FAR1: variants seen among roughly 807,000 people sequenced by gnomAD.
FAR1 encodes the protein fatty acyl-CoA reductase 1, also known as male sterility domain-containing protein 2.
In FAR1, 22 loss-of-function variants were observed where a neutral mutation model predicts 61.1. The ratio of observed to expected loss-of-function variants is 0.36; its 90% confidence interval spans 0.26 to 0.51. The LOEUF (loss-of-function observed/expected upper bound fraction) is 0.51. Ranked by LOEUF, FAR1 falls within the 20% of genes least tolerant of loss-of-function variation. The pLI is 0.95. For missense variants in FAR1, 359 were observed against 626.9 expected (o/e 0.57, Z 4.56); for synonymous variants, 206 against 209.7 (o/e 0.98, Z 0.15).
intron 1 of FAR1, among the ~76,000 whole-genome samples, chr11:13,691,628 GT>G (rs1233070830): frequency 6.6e-6 from 1 of 152,214 alleles, no homozygotes; most frequent in Non-Finnish European, 1.5e-5. Context: ...CATATAGTAT[GT>G]GACCTTTTGT....
At chr11:13,719,214 G>A (rs1848584070) in intron 9 of FAR1, among the ~76,000 whole-genome samples, 1 of 152,152 alleles carries the variant, frequency 6.6e-6, no homozygotes, top group Admixed American at 6.5e-5. Context: ...GAAACGTTAA[G>A]GAAACAGTCT....
chr11:13,690,298 TTAA>T (rs1195748171), intron 1 of FAR1, among the ~76,000 whole-genome samples: 2 of 152,242 alleles, frequency 1.3e-5, no homozygotes, highest in South Asian at 2.1e-4. Context: ...ATTCTAGATA[TTAA>T]TGTTTTCATT....
At chr11:13,703,122 T>TA (rs1294311336) in intron 3 of FAR1, among the ~76,000 whole-genome samples, 12 of 152,238 alleles carry the variant, frequency 7.9e-5, no homozygotes, top group African/African-American at 2.9e-4. Context: ...AGACACTCTA[T>TA]AATACTCCAG....
At chr11:13,702,746 A>G (rs1848390320) in intron 3 of FAR1, among the ~76,000 whole-genome samples, 3 of 152,184 alleles carry the variant, frequency 2.0e-5, no homozygotes, top group Non-Finnish European at 4.4e-5. Context: ...TATAGTCTTC[A>G]TTGACTTAAC....
At chr11:13,727,431 A>G (rs1015133633) in intron 10 of FAR1, 125 bp from the exon 11 acceptor site, 19 of 752,192 alleles carry the variant, frequency 2.5e-5, no homozygotes, top group African/African-American at 2.4e-4. Context: ...TCAGAAGTTA[A>G]TTCTGTATTT....
At chr11:13,716,105 C>T (rs1319526316) in intron 9 of FAR1, among the ~76,000 whole-genome samples, 1 of 152,088 alleles carries the variant, frequency 6.6e-6, no homozygotes, top group Non-Finnish European at 1.5e-5. Flanking sequence ...AAGCATTCTT[C>T]ATGGCTAAAA....
intron 4 of FAR1, 113 bp downstream of exon 4, chr11:13,708,192 T>C: frequency 1.5e-6 from 1 of 656,650 alleles, no homozygotes; most frequent in Non-Finnish European, 2.3e-6. Context: ...TGAAACCCCA[T>C]CTCACTAAAA....
Position 13,727,635 on chromosome 11 carries a change from T to C in FAR1, c.1337T>C (p.Leu446Ser). Residue 446 changes from leucine to serine, a missense_variant, in exon 11 of 12, where the codon TTG becomes TCG. Coordinates refer to ENST00000354817, the MANE Select transcript of FAR1 (RefSeq NM_032228.6). ...NYCLGTKKYVLNEEMSGLPAA... is the reference protein window; with the variant it reads ...NYCLGTKKYVSNEEMSGLPAA... Reference sequence around the variant, plus strand: ...TGCTTGGGAACTAAGAAGTACGTATTGAATGAAGAAATGTCTGGCCTCCCT... The same window carrying C: ...TGCTTGGGAACTAAGAAGTACGTATCGAATGAAGAAATGTCTGGCCTCCCT... 1 of 1,610,566 alleles carries C rather than the reference T, an allele frequency of 6.2e-7. No homozygotes were observed.
chr11:13,675,802 T>TA (rs547990671), intron 1 of FAR1, among the ~76,000 whole-genome samples: 242 of 152,338 alleles, frequency 1.6e-3, no homozygotes, highest in African/African-American at 5.5e-3. Context: ...AGATCATTCT[T>TA]GTCTTACATG....
chr11:13,728,153 A>G (rs1402146351), intron 11 of FAR1, among the ~76,000 whole-genome samples: 2 of 151,984 alleles, frequency 1.3e-5, no homozygotes, highest in East Asian at 3.9e-4. Flanking sequence ...ACCATCAGAA[A>G]CATCAAAATT....
chr11:13,728,198 A>AT (rs1848685983), intron 11 of FAR1, among the ~76,000 whole-genome samples: 1 of 151,816 alleles, frequency 6.6e-6, no homozygotes. Flanking sequence ...AGAGTAACAT[A>AT]TTGTTACTCT....
Position 13,727,697 on chromosome 11 carries a change from A to G in FAR1, c.1385+14A>G, listed in dbSNP as rs746938754. ...ACATCTGAACAAGTGAGTTTGATGC[A>G]TGGATTTGATTGCTTCTTGTCTTCC... On this transcript the variant is annotated intron_variant, in intron 11 of 11. Transcript: ENST00000354817. 9 of 1,588,636 alleles carry G rather than the reference A, an allele frequency of 5.7e-6. No homozygotes were observed. The highest frequency in any genetic ancestry group is 7.7e-6 in the Non-Finnish European group (9 of 1,169,650).
chr11:13,725,376 T>C (rs1184171973), intron 10 of FAR1, among the ~76,000 whole-genome samples: 3 of 151,582 alleles, frequency 2.0e-5, no homozygotes, highest in East Asian at 1.9e-4. Flanking sequence ...TTAGGTGATA[T>C]ATAGTGGTAT....
intron 2 of FAR1, among the ~76,000 whole-genome samples, chr11:13,699,760 T>A (rs976354949): frequency 6.6e-6 from 1 of 152,204 alleles, no homozygotes; most frequent in Non-Finnish European, 1.5e-5. Flanking sequence ...ACTTCTGAAG[T>A]TTGTTCAGTT....
intron 5 of FAR1, 42 bp from the exon 6 acceptor site, chr11:13,711,722 A>G: frequency 7.2e-7 from 1 of 1,397,280 alleles, no homozygotes; most frequent in African/African-American, 1.4e-5. Flanking sequence ...TAGCTTCATA[A>G]TGTTTCTAAG....
At chr11:13,722,250 G>T (rs1184678263) in intron 10 of FAR1, among the ~76,000 whole-genome samples, 1 of 151,666 alleles carries the variant, frequency 6.6e-6, no homozygotes, top group African/African-American at 2.4e-5. Context: ...TCCACATTTT[G>T]CCCTTTGTTA....
At chr11:13,715,111 T>C (rs1848541021) in intron 9 of FAR1, among the ~76,000 whole-genome samples, 1 of 152,110 alleles carries the variant, frequency 6.6e-6, no homozygotes, top group African/African-American at 2.4e-5. Context: ...GCATTATTGC[T>C]CGATTGCACT....
chr11:13,678,698 C>T lies in FAR1; in HGVS notation c.-8+9892C>T, dbSNP rs577345372. 2.6e-5 allele frequency among the ~76,000 whole-genome samples: 4 copies of T among 151,762 alleles called. No individual in the cohort carries two copies. In the South Asian group the frequency reaches 6.3e-4, roughly 24 times the overall value. ...GCTGTGTTGGGACATTTATGAAGAG[C>T]AGGGCTTAGATAGAATTTAGTGGGT... is the stretch of plus-strand genomic sequence containing the variant. On this transcript the variant is annotated intron_variant, in intron 1 of 11. Transcript: ENST00000354817.
chr11:13,710,906 T>G, intron 5 of FAR1, 36 bp downstream of exon 5: 1 of 1,571,584 alleles, frequency 6.4e-7, no homozygotes, highest in South Asian at 1.2e-5. Flanking sequence ...TAACTGGAGT[T>G]GAGAATTTTA....
Sources: allele counts gnomAD v4.1 joint callset (sites outside exome capture counted in the v4.1 genomes callset), GRCh38; gene constraint gnomAD v4.1.1; transcripts MANE v1.5; gene names NCBI Gene and HGNC (gene_info 2026-07-23, HGNC 2026-07-21).